Variants in GRIA4 observed in about 807,000 individuals in gnomAD.
GRIA4 encodes the protein glutamate receptor 4.
GRIA4 carries 34 observed loss-of-function variants against 104.0 expected under a neutral mutation model. The observed-to-expected ratio is 0.33, with a 90% CI of 0.25 to 0.44. The LOEUF (loss-of-function observed/expected upper bound fraction) is 0.44, where lower values mean the gene tolerates loss of function less well. Ranked by LOEUF, GRIA4 falls within the 20% of genes least tolerant of loss-of-function variation. GRIA4 has a pLI of 1.00. For synonymous variants in GRIA4, 386 were observed against 381.9 expected (o/e 1.01, Z -0.13); for missense variants, 750 against 1,096.5 (o/e 0.68, Z 4.46).
chr11:105,842,844 T>C (rs1315938113), intron 4 of GRIA4: 1 of 152,234 alleles, frequency 6.6e-6, no homozygotes, highest in Non-Finnish European at 1.5e-5. Flanking sequence ...ACTCAAGAAT[T>C]CTTACTGCAT....
chr11:105,655,173 T>C (rs1480842011), intron 3 of GRIA4, among the ~76,000 whole-genome samples: 2 of 152,186 alleles, frequency 1.3e-5, no homozygotes. Flanking sequence ...ATTAGAATTA[T>C]ACTTTATAAT....
intron 6 of GRIA4, among the ~76,000 whole-genome samples, chr11:105,889,677 A>G (rs749539947): frequency 6.6e-6 from 1 of 152,132 alleles, no homozygotes; most frequent in Non-Finnish European, 1.5e-5. Flanking sequence ...CACCACTTCT[A>G]TTGAACGTTG....
intron 3 of GRIA4, among the ~76,000 whole-genome samples, chr11:105,653,654 G>A (rs10502059): frequency 0.47 from 71,795 of 151,916 alleles, 17,169 homozygotes; most frequent in East Asian, 0.56. Context: ...TAGGGTGAAC[G>A]TGAGCGAGTG....
At position 105,956,082 on chromosome 11, in the gene GRIA4, C is replaced by A. The variant is rs564307954; in HGVS notation, c.2295-15832C>A. 3.3e-5 allele frequency among the ~76,000 whole-genome samples: 5 copies of A among 152,160 alleles called. No homozygotes were observed. In the South Asian group the frequency reaches 1.0e-3, roughly 32 times the overall value. On this transcript the variant is annotated intron_variant, in intron 14 of 16. Transcript: ENST00000282499. Reference sequence around the variant, plus strand: ...TTCCATTCTGTAGGTTGCCTGTTCACCCTGGTGATAGTTCTTTTGCTGTGC... The same window carrying A: ...TTCCATTCTGTAGGTTGCCTGTTCAACCTGGTGATAGTTCTTTTGCTGTGC...
intron 4 of GRIA4, among the ~76,000 whole-genome samples, chr11:105,792,931 G>T (rs538485686): frequency 1.3e-5 from 2 of 152,042 alleles, no homozygotes; most frequent in African/African-American, 4.8e-5. Context: ...GGCTGCATAT[G>T]ATCCCTACTA....
At position 105,610,331 on chromosome 11, in the gene GRIA4, G is replaced by T. The variant is rs1233435384; in HGVS notation, c.-188G>T. On this transcript the variant is annotated 5_prime_UTR_variant, in exon 1 of 17. Coordinates refer to ENST00000282499, the MANE Select transcript of GRIA4 (RefSeq NM_000829.4). The stretch of plus-strand genomic sequence containing the variant: ...CCATCCCCAGAGTCGGTCCCTCTGC[G>T]AACCGAGGAAGAAAAGAGGAGGGAG... The T allele has an allele frequency of 6.6e-6, 1 of 152,420 alleles. No individual in the cohort carries two copies. The highest frequency in any genetic ancestry group is 2.4e-5 in the African/African-American group (1 of 41,452). The allele number at this position is 152,420 out of a possible 1,614,324, so 9.4% of individuals were successfully genotyped here.
At chr11:105,906,342 G>A (rs763700385) in intron 9 of GRIA4, among the ~76,000 whole-genome samples, 1 of 152,092 alleles carries the variant, frequency 6.6e-6, no homozygotes, top group Non-Finnish European at 1.5e-5. Context: ...GATCTACATA[G>A]GAAGAGATGA....
chr11:105,909,596 ATTAACT>A (rs1279188465), intron 9 of GRIA4, among the ~76,000 whole-genome samples: 2 of 152,180 alleles, frequency 1.3e-5, no homozygotes, highest in African/African-American at 4.8e-5. Context: ...GGGTATGTGT[ATTAACT>A]TTAAGACGTA....
At chr11:105,823,119 G>T (rs1289600735) in intron 4 of GRIA4, among the ~76,000 whole-genome samples, 1 of 152,024 alleles carries the variant, frequency 6.6e-6, no homozygotes, top group Non-Finnish European at 1.5e-5. Flanking sequence ...TTTCTGTCAG[G>T]ATCTTCTCAA....
chr11:105,702,855 C>T (rs1052486217), intron 3 of GRIA4, among the ~76,000 whole-genome samples: 7 of 151,672 alleles, frequency 4.6e-5, no homozygotes, highest in Non-Finnish European at 1.0e-4. Flanking sequence ...CTATGACACC[C>T]GGCTAATTTT....
At chr11:105,893,486 A>G (rs976826451) in intron 6 of GRIA4, among the ~76,000 whole-genome samples, 3 of 152,224 alleles carry the variant, frequency 2.0e-5, no homozygotes, top group African/African-American at 7.2e-5. Context: ...CAAAACAGAC[A>G]TAGCTGAAAT....
At chr11:105,891,695 G>A (rs1946460047) in intron 6 of GRIA4, among the ~76,000 whole-genome samples, 1 of 152,010 alleles carries the variant, frequency 6.6e-6, no homozygotes, top group South Asian at 2.1e-4. Context: ...TCCCTCCTCT[G>A]GGTTCTCAAA....
At chr11:105,757,099 G>A (rs1940356240) in intron 4 of GRIA4, among the ~76,000 whole-genome samples, 1 of 152,160 alleles carries the variant, frequency 6.6e-6, no homozygotes, top group Non-Finnish European at 1.5e-5. Context: ...TCTCTTCAGA[G>A]CATCTCCTTT....
intron 13 of GRIA4, 89 bp from the exon 14 acceptor site, chr11:105,933,633 T>C: frequency 1.0e-6 from 1 of 957,638 alleles, no homozygotes; most frequent in South Asian, 1.8e-5. Flanking sequence ...GGAAAGATAC[T>C]AAAACGCTTT....
rs544327922 is a variant in GRIA4, at chr11:105,980,333, T to G, written c.*594T>G. 1 of 152,820 alleles carries G rather than the reference T, an allele frequency of 6.5e-6. No homozygotes were observed. The highest frequency in any genetic ancestry group is 2.4e-5 in the African/African-American group (1 of 41,586). The allele number at this position is 152,820 out of a possible 1,614,324, so 9.5% of individuals were successfully genotyped here. On this transcript the variant is annotated 3_prime_UTR_variant, in exon 17 of 17. Coordinates refer to ENST00000282499, the MANE Select transcript of GRIA4 (RefSeq NM_000829.4). ...TACTGAAACATGCTTGCTTTTTAAC[T>G]GACGTAAATTCAGTAGAGGACAACA...
intron 3 of GRIA4, among the ~76,000 whole-genome samples, chr11:105,656,509 C>T (rs1357734131): frequency 6.6e-6 from 1 of 151,992 alleles, no homozygotes; most frequent in African/African-American, 2.4e-5. Flanking sequence ...CAACAAAAGC[C>T]AAAATTGACA....
At chr11:105,848,309 A>C (rs947605506) in intron 4 of GRIA4, among the ~76,000 whole-genome samples, 1 of 152,234 alleles carries the variant, frequency 6.6e-6, no homozygotes, top group Non-Finnish European at 1.5e-5. Flanking sequence ...ATATTAAAAA[A>C]ATTAATTGAA....
chr11:105,695,575 A>T (rs1387001050), intron 3 of GRIA4, among the ~76,000 whole-genome samples: 1 of 151,992 alleles, frequency 6.6e-6, no homozygotes, highest in African/African-American at 2.4e-5. Context: ...CTGTGATTCG[A>T]AAAGGGTAGC....
intron 3 of GRIA4, among the ~76,000 whole-genome samples, chr11:105,747,404 AT>A (rs1939725570): frequency 6.6e-6 from 1 of 152,188 alleles, no homozygotes; most frequent in South Asian, 2.1e-4. Context: ...ATAGAAATAT[AT>A]GATAGAGGGA....
Sources: allele counts gnomAD v4.1 joint callset (sites outside exome capture counted in the v4.1 genomes callset), GRCh38; gene constraint gnomAD v4.1.1; transcripts MANE v1.5; gene names NCBI Gene and HGNC (gene_info 2026-07-23, HGNC 2026-07-21).